RXRG: variants seen among roughly 807,000 people sequenced by gnomAD.
The protein encoded by RXRG is retinoid X receptor gamma.
A neutral mutation model predicts 49.2 loss-of-function variants in RXRG; 19 were observed. The observed-to-expected ratio is 0.39, with a 90% CI of 0.27 to 0.57. The LOEUF is 0.57. Among genes scored for constraint, RXRG ranks in the 20% least tolerant of loss-of-function variants. The pLI is 0.64. For synonymous variants in RXRG, 224 were observed against 216.6 expected (o/e 1.03, Z -0.30); for missense variants, 452 against 592.5 (o/e 0.76, Z 2.46).
chr1:165,429,077 C>T (rs1209896685), intron 1 of RXRG, 111 bp from the exon 2 acceptor site: 1 of 1,130,260 alleles, frequency 8.8e-7, no homozygotes, highest in African/African-American at 1.5e-5. Context: ...CTCTTTTAGC[C>T]ACACCTACAC....
intron 2 of RXRG, among the ~76,000 whole-genome samples, chr1:165,426,297 A>T (rs939285352): frequency 6.6e-6 from 1 of 152,204 alleles, no homozygotes; most frequent in African/African-American, 2.4e-5. Flanking sequence ...AAAGTAGTTT[A>T]TTTGGCCTGA....
chr1:165,441,350 G>A (rs554822757), intron 1 of RXRG, among the ~76,000 whole-genome samples: 2 of 152,324 alleles, frequency 1.3e-5, no homozygotes, highest in African/African-American at 4.8e-5. Flanking sequence ...GAGCTCCCTG[G>A]GGGTGTGCTG....
At position 165,429,052 on chromosome 1, in the gene RXRG, T is replaced by TTAG. The variant is rs1227661675; in HGVS notation, c.50-87_50-86insCTA. ...ACAGAGGCCTAGCCCCACCTTTCTT[T>TTAG]CCTGTATCCTGCCCCTCTTTTAGCC... On this transcript the variant is annotated intron_variant, in intron 1 of 9. Coordinates refer to ENST00000359842, the MANE Select transcript of RXRG (RefSeq NM_006917.5). 2.1e-6 allele frequency: 3 copies of TTAG among 1,427,474 alleles called. No individual in the cohort carries two copies. The East Asian group carries it at 7.0e-5, about 33-fold the overall frequency. 88.4% of individuals were successfully genotyped at this position (1,427,474 alleles called of 1,614,324 possible). A position where few individuals can be genotyped will look rare whatever the true frequency, so the allele number is the denominator to read the frequency against.
chr1:165,436,878 C>G, intron 1 of RXRG: 1 of 1,093,504 alleles, frequency 9.1e-7, no homozygotes, highest in African/African-American at 1.7e-5. Flanking sequence ...AAGATCAATC[C>G]CAAACTCCTG....
intron 2 of RXRG, among the ~76,000 whole-genome samples, chr1:165,428,311 C>T (rs1254428883): frequency 1.3e-5 from 2 of 152,198 alleles, no homozygotes; most frequent in Non-Finnish European, 2.9e-5. Context: ...TTTGTAAGCT[C>T]CTGGAAAGCA....
At position 165,431,617 on chromosome 1, in the gene RXRG, C is replaced by T. The variant is rs75566777; in HGVS notation, c.50-2651G>A. Among the ~76,000 whole-genome samples, 768 of 152,316 alleles carry T rather than the reference C, an allele frequency of 5.0e-3. 6 individuals are homozygous for T. The highest frequency in any genetic ancestry group is 0.018 in the African/African-American group (736 of 41,578). Reference sequence around the variant, plus strand: ...AAAAACAGACCAGACCACCCTGCAACTTTCCTTTTTATTCTGCTTTAAACA... The same window carrying T: ...AAAAACAGACCAGACCACCCTGCAATTTTCCTTTTTATTCTGCTTTAAACA... On this transcript the variant is annotated intron_variant, in intron 1 of 9. Coordinates refer to ENST00000359842, the MANE Select transcript of RXRG (RefSeq NM_006917.5).
intron 2 of RXRG, among the ~76,000 whole-genome samples, chr1:165,425,267 T>C (rs981801265): frequency 1.3e-5 from 2 of 152,244 alleles, no homozygotes; most frequent in Admixed American, 6.5e-5. Context: ...AGGATCTGTC[T>C]ACCACCTCAC....
intron 4 of RXRG, among the ~76,000 whole-genome samples, chr1:165,415,792 G>A (rs575710810): frequency 6.6e-6 from 1 of 152,274 alleles, no homozygotes; most frequent in South Asian, 2.1e-4. Flanking sequence ...TCACTTTTGA[G>A]GTTGCTGTTA....
rs1571295790 is a variant in RXRG, at chr1:165,445,117, A to G, written c.-224T>C. The G allele has an allele frequency of 3.5e-6, 2 of 572,208 alleles. No individual in the cohort carries two copies. Among genetic ancestry groups the G allele is most frequent in the Non-Finnish European group, 6.2e-6 (2 of 320,994 alleles). 35.4% of individuals were successfully genotyped at this position (572,208 alleles called of 1,614,324 possible). A position where few individuals can be genotyped will look rare whatever the true frequency, so the allele number is the denominator to read the frequency against. ...GTGCGTTTGAGACGGCTGTGGCGGC[A>G]GCAGCTGGTGCCTGTCAGTAATCAC... On this transcript the variant is annotated 5_prime_UTR_variant, in exon 1 of 10. Coordinates refer to ENST00000359842, the MANE Select transcript of RXRG (RefSeq NM_006917.5).
At chr1:165,441,467 T>A (rs532196160) in intron 1 of RXRG, among the ~76,000 whole-genome samples, 28 of 152,208 alleles carry the variant, frequency 1.8e-4, no homozygotes, top group Admixed American at 1.8e-3. Flanking sequence ...TCCCTGGCTG[T>A]GCCATTTTCT....
intron 2 of RXRG, among the ~76,000 whole-genome samples, chr1:165,421,285 A>C (rs1434212485): frequency 1.3e-5 from 2 of 152,222 alleles, no homozygotes; most frequent in Non-Finnish European, 2.9e-5. Flanking sequence ...GTTAATTTTT[A>C]AAAATTAATT....
intron 1 of RXRG, among the ~76,000 whole-genome samples, chr1:165,444,546 C>G (rs1659100770): frequency 6.6e-6 from 1 of 152,156 alleles, no homozygotes; most frequent in Admixed American, 6.5e-5. Flanking sequence ...TAACAATGCT[C>G]TTATTCTATC....
At chr1:165,402,016 G>A (rs1056541534) in intron 9 of RXRG, among the ~76,000 whole-genome samples, 4 of 152,266 alleles carry the variant, frequency 2.6e-5, no homozygotes, top group East Asian at 1.9e-4. Context: ...CCAAGTAGGC[G>A]GGACTACAGG....
At chr1:165,409,519 ACAT>A in intron 7 of RXRG, 36 bp downstream of exon 7, 1 of 1,414,806 alleles carries the variant, frequency 7.1e-7, no homozygotes, top group Non-Finnish European at 9.2e-7. Flanking sequence ...ACACACACAC[ACAT>A]AATACACACA....
intron 1 of RXRG, among the ~76,000 whole-genome samples, chr1:165,438,588 A>G (rs2101746697): frequency 6.6e-6 from 1 of 152,368 alleles, no homozygotes; most frequent in Admixed American, 6.5e-5. Flanking sequence ...ATATTCATAA[A>G]GAGTTTTAGG....
At chr1:165,406,101 G>GA (rs1333157355) in intron 9 of RXRG, among the ~76,000 whole-genome samples, 1 of 152,200 alleles carries the variant, frequency 6.6e-6, no homozygotes, top group African/African-American at 2.4e-5. Context: ...AGCAGAGAGG[G>GA]AAAACTCTTT....
At chr1:165,402,482 G>A (rs1008580558) in intron 9 of RXRG, among the ~76,000 whole-genome samples, 1 of 152,140 alleles carries the variant, frequency 6.6e-6, no homozygotes, top group East Asian at 1.9e-4. Flanking sequence ...GGAGTCTATG[G>A]TCTGTTTGGG....
At chr1:165,414,309 A>G (rs895318660) in intron 4 of RXRG, among the ~76,000 whole-genome samples, 4 of 152,300 alleles carry the variant, frequency 2.6e-5, no homozygotes, top group African/African-American at 7.2e-5. Context: ...ACTTTCTATT[A>G]AAGTACCCAA....
chr1:165,425,823 G>A (rs1189801458), intron 2 of RXRG, among the ~76,000 whole-genome samples: 1 of 152,254 alleles, frequency 6.6e-6, no homozygotes, highest in Non-Finnish European at 1.5e-5. Context: ...GCACTGAAGT[G>A]CAATGGATCT....
Sources: gnomAD v4.1 joint callset for allele counts (sites outside exome capture counted in the v4.1 genomes callset) on GRCh38, gnomAD v4.1.1 for gene constraint, MANE v1.5 for transcripts, NCBI Gene and HGNC (gene_info 2026-07-23, HGNC 2026-07-21) for gene names.